Variants in VPS53 observed in about 807,000 individuals in gnomAD.
The protein encoded by VPS53 is VPS53 subunit of GARP complex.
Under a neutral mutation model 107.0 loss-of-function variants are expected in VPS53, and 70 were observed. The observed-to-expected ratio is 0.65, with a 90% CI of 0.54 to 0.80. The LOEUF is 0.80. VPS53 is among the 30% of genes least tolerant of loss of function. The probability of loss-of-function intolerance (pLI) is 0.00; values close to 1 mark genes in which losing one functional copy is unlikely to be tolerated. For missense variants in VPS53, 917 were observed against 1,049.4 expected (o/e 0.87, Z 1.74); for synonymous variants, 409 against 393.3 (o/e 1.04, Z -0.47).
intron 5 of VPS53, chr17:657,433 T>A: frequency 1.1e-6 from 1 of 933,470 alleles, no homozygotes; most frequent in Non-Finnish European, 1.8e-6. Flanking sequence ...AGACACTCTC[T>A]CAACTTGTGG....
chr17:680,081 G>A (rs1972329566), intron 4 of VPS53, among the ~76,000 whole-genome samples: 3 of 152,136 alleles, frequency 2.0e-5, no homozygotes, highest in Admixed American at 6.5e-5. Context: ...ATCATTTCAG[G>A]TCAGGAGTTC....
At chr17:692,837 C>T (rs1212029783) in intron 4 of VPS53, among the ~76,000 whole-genome samples, 1 of 151,760 alleles carries the variant, frequency 6.6e-6, no homozygotes, top group East Asian at 1.9e-4. Flanking sequence ...CCTGTCTCTA[C>T]TAAAAATACA....
At chr17:624,995 C>CTT (rs56344843) in intron 10 of VPS53, among the ~76,000 whole-genome samples, 2,053 of 109,014 alleles carry the variant, frequency 0.019, 25 homozygotes, top group Middle Eastern at 0.048. Context: ...TCTCTCTCTT[C>CTT]TTTTTTTTTT....
At chr17:606,783 C>T (rs1355711189) in intron 11 of VPS53, among the ~76,000 whole-genome samples, 2 of 152,120 alleles carry the variant, frequency 1.3e-5, no homozygotes, top group African/African-American at 4.8e-5. Context: ...CTAGGTTGCA[C>T]ACTCCTTCTG....
At chr17:607,337 C>T (rs1031754033) in intron 11 of VPS53, among the ~76,000 whole-genome samples, 2 of 152,166 alleles carry the variant, frequency 1.3e-5, no homozygotes, top group African/African-American at 2.4e-5. Context: ...GAAAGGCACA[C>T]GGAGCTGCTC....
intron 4 of VPS53, among the ~76,000 whole-genome samples, chr17:663,035 GT>G (rs1971538213): frequency 7.3e-5 from 11 of 151,568 alleles, no homozygotes; most frequent in Admixed American, 6.6e-4. Flanking sequence ...GCAAGACTCG[GT>G]CTCTGCAAAA....
chr17:553,282 C>A (rs1912025821), intron 16 of VPS53, 98 bp downstream of exon 16: 2 of 1,093,554 alleles, frequency 1.8e-6, no homozygotes, highest in South Asian at 2.7e-5. Context: ...GGAGAAAGGG[C>A]AGGCAGCGAG....
Position 514,729 on chromosome 17 carries a change from C to G in VPS53, c.*4399G>C, listed in dbSNP as rs753457539. 6.5e-6 allele frequency: 1 copy of G among 152,746 alleles called. No individual in the cohort carries two copies. Among genetic ancestry groups the G allele is most frequent in the Non-Finnish European group, 1.5e-5 (1 of 68,470 alleles). 9.5% of individuals were successfully genotyped at this position (152,746 alleles called of 1,614,324 possible). A position where few individuals can be genotyped will look rare whatever the true frequency, so the allele number is the denominator to read the frequency against. ...CGAGCAGCAGCCTCGGACCTGCCCC[C>G]ACGCTCTGCGTGCCCTGTACTGGTC... On this transcript the variant is annotated 3_prime_UTR_variant, in exon 22 of 22. Coordinates refer to ENST00000437048, the MANE Select transcript of VPS53 (RefSeq NM_001128159.3).
At chr17:690,336 C>G (rs1972734511) in intron 4 of VPS53, among the ~76,000 whole-genome samples, 1 of 152,224 alleles carries the variant, frequency 6.6e-6, no homozygotes, top group Admixed American at 6.5e-5. Context: ...AGACCTGGGA[C>G]AGTACTGGCC....
chr17:662,338 C>A (rs1971467865), intron 4 of VPS53, among the ~76,000 whole-genome samples: 1 of 152,136 alleles, frequency 6.6e-6, no homozygotes, highest in Admixed American at 6.5e-5. Context: ...TCCAGAACTG[C>A]AACAAATCTT....
intron 6 of VPS53, among the ~76,000 whole-genome samples, 187 bp downstream of exon 6, chr17:655,651 T>C (rs990493714): frequency 2.6e-5 from 4 of 152,152 alleles, no homozygotes; most frequent in African/African-American, 9.7e-5. Context: ...TAGCTGCCAG[T>C]GTTTGTTAGG....
At chr17:639,818 G>T (rs371902339) in intron 7 of VPS53, among the ~76,000 whole-genome samples, 1 of 152,222 alleles carries the variant, frequency 6.6e-6, no homozygotes, top group African/African-American at 2.4e-5. Flanking sequence ...CTACTGGAGG[G>T]TGCCTCCCAG....
chr17:572,462 G>GGTCAGCCCCC (rs1914249529), intron 13 of VPS53, among the ~76,000 whole-genome samples: 1 of 149,538 alleles, frequency 6.7e-6, no homozygotes, highest in Non-Finnish European at 1.5e-5. Flanking sequence ...GAGGTGAGGG[G>GGTCAGCCCCC]CGCCTCTGCC....
chr17:530,508 T>C (rs1909459136), intron 19 of VPS53, among the ~76,000 whole-genome samples: 1 of 152,224 alleles, frequency 6.6e-6, no homozygotes, highest in South Asian at 2.1e-4. Flanking sequence ...TTATTACTCA[T>C]AATCATATTT....
intron 15 of VPS53, among the ~76,000 whole-genome samples, chr17:558,567 G>C (rs956879261): frequency 6.6e-6 from 1 of 152,208 alleles, no homozygotes; most frequent in African/African-American, 2.4e-5. Context: ...CCGGCAGGGG[G>C]AGCTTGCAGT....
intron 13 of VPS53, among the ~76,000 whole-genome samples, chr17:565,422 A>G (rs56835445): frequency 7.0e-6 from 1 of 143,870 alleles, no homozygotes; most frequent in African/African-American, 2.6e-5. Context: ...AAAAAAAAAA[A>G]AAAAGAAAGA....
At position 694,467 on chromosome 17, in the gene VPS53, T is replaced by A. The variant is rs1021984573; in HGVS notation, c.285+2951A>T. Reference sequence around the variant, plus strand: ...AGCATGACCCAACAAAAAATGCCGATGAATCACTCACTATTTTCACATTCT... The same window carrying A: ...AGCATGACCCAACAAAAAATGCCGAAGAATCACTCACTATTTTCACATTCT... On this transcript the variant is annotated intron_variant, in intron 4 of 21. Transcript: ENST00000437048. Among the ~76,000 whole-genome samples the A allele has an allele frequency of 2.6e-5, 4 of 152,296 alleles. No homozygotes were observed. The East Asian group carries it at 5.8e-4, about 22-fold the overall frequency.
chr17:655,142 C>G (rs1200148826), intron 6 of VPS53, among the ~76,000 whole-genome samples: 1 of 152,198 alleles, frequency 6.6e-6, no homozygotes, highest in African/African-American at 2.4e-5. Flanking sequence ...GAGGCTGGAG[C>G]AGGGGGAGTC....
At chr17:530,557 C>T (rs1909462657) in intron 19 of VPS53, among the ~76,000 whole-genome samples, 1 of 152,122 alleles carries the variant, frequency 6.6e-6, no homozygotes, top group South Asian at 2.1e-4. Context: ...CCTTTCTAAT[C>T]TGTATATATT....
Sources: gnomAD v4.1 joint callset for allele counts (sites outside exome capture counted in the v4.1 genomes callset) on GRCh38, gnomAD v4.1.1 for gene constraint, MANE v1.5 for transcripts, NCBI Gene and HGNC (gene_info 2026-07-23, HGNC 2026-07-21) for gene names.